The following KANSL1 variants were observed in gnomAD, a reference collection of about 807,000 sequenced individuals.
KANSL1 encodes KAT8 regulatory NSL complex subunit 1.
KANSL1 carries 22 observed loss-of-function variants against 103.6 expected under a neutral mutation model. The ratio of observed to expected loss-of-function variants is 0.21; its 90% CI spans 0.15 to 0.30. KANSL1 has a LOEUF of 0.30. KANSL1 is among the 10% of genes least tolerant of loss of function. The probability of loss-of-function intolerance (pLI) is 1.00; values close to 1 mark genes in which losing one functional copy is unlikely to be tolerated. For missense variants in KANSL1, 1,337 were observed against 1,399.8 expected (o/e 0.96, Z 0.72); for synonymous variants, 600 against 527.6 (o/e 1.14, Z -1.88).
chr17:46,149,570 G>A (rs1468683746), intron 2 of KANSL1, among the ~76,000 whole-genome samples: 2 of 152,272 alleles, frequency 1.3e-5, no homozygotes, highest in Admixed American at 1.3e-4. Flanking sequence ...GAGTATGACT[G>A]TGTTCCAATA....
At chr17:46,193,900 A>G, upstream of KANSL1, 1 of 155,874 alleles carries the variant, frequency 6.4e-6, no homozygotes, top group South Asian at 1.6e-4. Context: ...GGCCGTCGGC[A>G]CCACACTATT....
In KANSL1 at chr17:46,192,047, G is replaced by A. The variant is rs1014240722; in HGVS notation, c.-90+776C>T. 2.6e-5 allele frequency among the ~76,000 whole-genome samples: 4 copies of A among 152,272 alleles called. No individual in the cohort carries two copies. In the East Asian group the frequency reaches 5.8e-4, roughly 22 times the overall value. On this transcript the variant is annotated intron_variant, in intron 1 of 14. Transcript: ENST00000432791. Reference sequence around the variant, plus strand: ...AAAAGGAAAGAGAGCAATTTAAAGTGGCGCCATCATGTCACCCCTTCTCCC... The same window carrying A: ...AAAAGGAAAGAGAGCAATTTAAAGTAGCGCCATCATGTCACCCCTTCTCCC...
intron 1 of KANSL1, among the ~76,000 whole-genome samples, chr17:46,184,679 G>A (rs976719353): frequency 1.3e-5 from 2 of 152,034 alleles, no homozygotes; most frequent in African/African-American, 2.4e-5. Context: ...TTCAGCTCAA[G>A]GTTACATGCT....
intron 1 of KANSL1, among the ~76,000 whole-genome samples, chr17:46,199,371 G>A (rs1019169823): frequency 2.6e-5 from 4 of 152,206 alleles, no homozygotes; most frequent in African/African-American, 9.7e-5. Context: ...TTAGCCAAAT[G>A]CAAGTAGAAG....
chr17:46,168,010 CCCA>C (rs2046090368), intron 2 of KANSL1, among the ~76,000 whole-genome samples: 1 of 152,222 alleles, frequency 6.6e-6, no homozygotes, highest in Admixed American at 6.5e-5. Context: ...CGAAACCTAG[CCCA>C]CCACTCTATC....
In KANSL1 at chr17:46,094,593, T is replaced by C; in HGVS notation, c.1398A>G (p.Gln466=). 6.2e-7 allele frequency: 1 copy of C among 1,613,798 alleles called. No individual in the cohort carries two copies. The highest frequency in any genetic ancestry group is 1.3e-5 in the African/African-American group (1 of 75,032). The change falls in exon 3 of 15, where the codon CAA becomes CAG. Residue 466 remains glutamine (Q), a synonymous_variant. Transcript: ENST00000432791. The stretch of plus-strand genomic sequence containing the variant: ...CACGTATCTGTTTGTAAATGTCTGT[T>C]TGCTGACGAATTCGATATTCCAAGT... ...VSDLEYRIRQ[Q]TDIYKQIRAN...
chr17:46,053,729 C>T (rs560783529), intron 6 of KANSL1, among the ~76,000 whole-genome samples: 19 of 152,116 alleles, frequency 1.2e-4, no homozygotes, highest in Non-Finnish European at 2.2e-4. Context: ...CCACCGCACC[C>T]GGCCAAAGAT....
At position 46,058,739 on chromosome 17, in the gene KANSL1, ACACACTCTCTCTCTCTCTCTCTCTCT is replaced by A. The variant is rs1179502770; in HGVS notation, c.1848+7772_1848+7797del. ...CACACACACACACACACACACACACACACACTCTCTCTCTCTCTCTCTCTCTCTCTCTCTCTCTCTCTCTCTCTCTC... is the reference window on the plus strand; with the variant it reads ...CACACACACACACACACACACACACACTCTCTCTCTCTCTCTCTCTCTCTC... On this transcript the variant is annotated intron_variant, in intron 6 of 14. Coordinates refer to ENST00000432791, the MANE Select transcript of KANSL1 (RefSeq NM_015443.4). Among the ~76,000 whole-genome samples, 200 of 30,122 alleles carry A rather than the reference ACACACTCTCTCTCTCTCTCTCTCTCT, an allele frequency of 6.6e-3. 1 individual carries two copies. Among genetic ancestry groups the A allele is most frequent in the East Asian group, 0.032 (58 of 1,824 alleles). The allele number at this position is 30,122 out of a possible 152,430, so 19.8% of individuals were successfully genotyped here.
intron 8 of KANSL1, 50 bp downstream of exon 8, chr17:46,039,652 A>C: frequency 6.4e-7 from 1 of 1,566,336 alleles, no homozygotes; most frequent in Non-Finnish European, 8.7e-7. Context: ...TATAAAAGGA[A>C]TGAAAAGTCA....
chr17:46,132,136 A>G (rs543221326), intron 2 of KANSL1, among the ~76,000 whole-genome samples: 1 of 152,316 alleles, frequency 6.6e-6, no homozygotes, highest in Admixed American at 6.5e-5. Flanking sequence ...TCAAAAAAAA[A>G]AAAGTAAAAT....
chr17:46,039,276 A>C, intron 8 of KANSL1, 61 bp from the exon 9 acceptor site: 4 of 1,461,508 alleles, frequency 2.7e-6, no homozygotes, highest in Non-Finnish European at 3.6e-6. Flanking sequence ...TTCTTATTCG[A>C]GTTCCAAGCT....
At chr17:46,054,396 C>T (rs543262659) in intron 6 of KANSL1, among the ~76,000 whole-genome samples, 11 of 150,786 alleles carry the variant, frequency 7.3e-5, no homozygotes, top group African/African-American at 2.2e-4. Context: ...CACTTCATAC[C>T]ACCTCAACTA....
upstream of KANSL1, chr17:46,196,367 G>A: frequency 2.2e-6 from 1 of 456,334 alleles, no homozygotes; most frequent in South Asian, 1.5e-5. Flanking sequence ...TGATTGGTTA[G>A]GAATGGCCAT....
intron 2 of KANSL1, among the ~76,000 whole-genome samples, chr17:46,163,938 C>G (rs2696567): frequency 0.14 from 21,950 of 152,222 alleles, 2,136 homozygotes; most frequent in Non-Finnish European, 0.22. Flanking sequence ...ACTGACCTCT[C>G]AGTAGGTCAC....
At chr17:46,062,943 G>A (rs550426135) in intron 6 of KANSL1, among the ~76,000 whole-genome samples, 10 of 152,052 alleles carry the variant, frequency 6.6e-5, no homozygotes, top group South Asian at 2.1e-4. Context: ...CCAGCTACTC[G>A]GGAGAATGAG....
intron 1 of KANSL1, among the ~76,000 whole-genome samples, chr17:46,204,222 T>C (rs2696451): frequency 0.14 from 21,959 of 152,200 alleles, 2,139 homozygotes; most frequent in Non-Finnish European, 0.22. Context: ...TTGAGGAGGC[T>C]GAGTTGGGAG....
At chr17:46,096,985 T>A (rs62061802) in intron 2 of KANSL1, among the ~76,000 whole-genome samples, 21,632 of 151,794 alleles carry the variant, frequency 0.14, 2,123 homozygotes, top group Non-Finnish European at 0.22. Context: ...GGTTGTTCTC[T>A]AACTCCTGAC....
intron 2 of KANSL1, among the ~76,000 whole-genome samples, chr17:46,094,995 T>C (rs1490472882): frequency 1.3e-5 from 2 of 152,194 alleles, no homozygotes; most frequent in Non-Finnish European, 2.9e-5. Context: ...TTATTGTCCA[T>C]GCCAAAATAA....
intron 2 of KANSL1, among the ~76,000 whole-genome samples, chr17:46,114,909 A>AT (rs1480418501): frequency 6.6e-6 from 1 of 152,098 alleles, no homozygotes; most frequent in East Asian, 1.9e-4. Context: ...GTTTAGAACA[A>AT]TTTTTCTTTT....
Sources: allele counts gnomAD v4.1 joint callset (sites outside exome capture counted in the v4.1 genomes callset), GRCh38; gene constraint gnomAD v4.1.1; transcripts MANE v1.5; gene names NCBI Gene and HGNC (gene_info 2026-07-23, HGNC 2026-07-21).